Variants in ZNF644 observed in about 807,000 individuals in gnomAD.
The protein encoded by ZNF644 is zinc finger motif enhancer binding protein 2.
A neutral mutation model predicts 108.0 loss-of-function variants in ZNF644; 20 were observed. The ratio of observed to expected loss-of-function variants is 0.19; its 90% CI spans 0.13 to 0.27. The LOEUF is 0.27. Among genes scored for constraint, ZNF644 ranks in the 10% least tolerant of loss-of-function variants. The probability of loss-of-function intolerance (pLI) is 1.00; values close to 1 mark genes in which losing one functional copy is unlikely to be tolerated. For missense variants in ZNF644, 1,338 were observed against 1,548.9 expected, an observed-to-expected ratio of 0.86 and a Z score of 2.29; for synonymous variants, 542 against 539.1, an observed-to-expected ratio of 1.01 and a Z score of -0.08.
intron 1 of ZNF644, among the ~76,000 whole-genome samples, chr1:91,005,941 G>GA (rs549980251): frequency 8.7e-4 from 126 of 145,334 alleles, no homozygotes; most frequent in African/African-American, 2.6e-3. Flanking sequence ...AAACAGTAGA[G>GA]AAAAAAAAAA....
chr1:90,959,709 G>A (rs1270773588), intron 2 of ZNF644, among the ~76,000 whole-genome samples: 1 of 152,092 alleles, frequency 6.6e-6, no homozygotes, highest in Non-Finnish European at 1.5e-5. Context: ...ACCAGGTGAT[G>A]GAAGGGGGCA....
intron 2 of ZNF644, among the ~76,000 whole-genome samples, chr1:90,953,414 T>C (rs771173013): frequency 4.7e-4 from 70 of 149,166 alleles, no homozygotes; most frequent in Non-Finnish European, 9.6e-4. Context: ...TCAGGAAAAA[T>C]AGCTAATGCA....
At chr1:90,961,062 A>C (rs555212555) in intron 2 of ZNF644, among the ~76,000 whole-genome samples, 6 of 152,120 alleles carry the variant, frequency 3.9e-5, no homozygotes, top group Non-Finnish European at 8.8e-5. Flanking sequence ...CAGATGAAGA[A>C]ATGAAGATGG....
At chr1:90,951,692 C>G (rs1450211292) in intron 2 of ZNF644, among the ~76,000 whole-genome samples, 1 of 152,188 alleles carries the variant, frequency 6.6e-6, no homozygotes. Flanking sequence ...TCCCCCGCCT[C>G]CCATAACACT....
chr1:90,998,189 A>C (rs556936170), intron 1 of ZNF644, among the ~76,000 whole-genome samples: 1 of 152,222 alleles, frequency 6.6e-6, no homozygotes, highest in Admixed American at 6.5e-5. Flanking sequence ...GACAGCTTTG[A>C]AGCGAGTAGT....
At chr1:91,015,782 A>G (rs936095610) in intron 1 of ZNF644, among the ~76,000 whole-genome samples, 1 of 152,200 alleles carries the variant, frequency 6.6e-6, no homozygotes, top group African/African-American at 2.4e-5. Flanking sequence ...GGACATTAGC[A>G]AAAGTATACA....
intron 4 of ZNF644, among the ~76,000 whole-genome samples, chr1:90,922,270 TA>T (rs1300605622): frequency 6.6e-6 from 1 of 152,182 alleles, no homozygotes; most frequent in Non-Finnish European, 1.5e-5. Context: ...ATTTCTTTTC[TA>T]ATTGGTTGCT....
At chr1:90,970,998 CAA>C (rs61253802) in intron 2 of ZNF644, among the ~76,000 whole-genome samples, 20 of 92,884 alleles carry the variant, frequency 2.2e-4, no homozygotes, top group Middle Eastern at 8.5e-3. Flanking sequence ...GACTCCATTT[CAA>C]AAAAAAAAAA....
chr1:90,937,459 T>A, intron 4 of ZNF644, 26 bp downstream of exon 4: 1 of 1,613,288 alleles, frequency 6.2e-7, no homozygotes, highest in Non-Finnish European at 8.5e-7. Context: ...AAACTGTGTA[T>A]AGCATAGTCA....
chr1:91,010,236 CTTT>C (rs577966817), intron 1 of ZNF644, among the ~76,000 whole-genome samples: 6 of 129,904 alleles, frequency 4.6e-5, no homozygotes, highest in Admixed American at 8.2e-5. Flanking sequence ...ATGTCTGTGC[CTTT>C]TTTTTTTTTT....
chr1:91,010,236 C>T (rs1317168715), intron 1 of ZNF644, among the ~76,000 whole-genome samples: 2 of 129,932 alleles, frequency 1.5e-5, no homozygotes, highest in Non-Finnish European at 3.3e-5. Flanking sequence ...ATGTCTGTGC[C>T]TTTTTTTTTT....
At chr1:90,978,547 G>A (rs1019144111) in intron 2 of ZNF644, among the ~76,000 whole-genome samples, 2 of 152,058 alleles carry the variant, frequency 1.3e-5, no homozygotes, top group Non-Finnish European at 2.9e-5. Context: ...AGTACAGAGA[G>A]GTTAAGTTAG....
chr1:90,961,282 CAATTA>C (rs1410523362), intron 2 of ZNF644, among the ~76,000 whole-genome samples: 1 of 152,016 alleles, frequency 6.6e-6, no homozygotes, highest in African/African-American at 2.4e-5. Context: ...AAAAACAAAA[CAATTA>C]AATTAACAAA....
At chr1:90,920,423 T>C (rs1649303588) in intron 4 of ZNF644, among the ~76,000 whole-genome samples, 1 of 152,048 alleles carries the variant, frequency 6.6e-6, no homozygotes, top group Non-Finnish European at 1.5e-5. Flanking sequence ...TAGGGAAATA[T>C]GCAAAAGAAC....
At chr1:90,987,457 T>C (rs1657219463) in intron 1 of ZNF644, among the ~76,000 whole-genome samples, 1 of 151,842 alleles carries the variant, frequency 6.6e-6, no homozygotes, top group Admixed American at 6.6e-5. Flanking sequence ...CCTAAAAATG[T>C]ACACCTAGCA....
At chr1:90,989,856 T>C (rs554537533) in intron 1 of ZNF644, among the ~76,000 whole-genome samples, 1 of 152,222 alleles carries the variant, frequency 6.6e-6, no homozygotes, top group South Asian at 2.1e-4. Flanking sequence ...CAAAACGATA[T>C]TTACATGCCC....
In ZNF644 at chr1:90,937,689, T is replaced by C. The variant is rs777478956; in HGVS notation, c.3484A>G (p.Ser1162Gly). ...GTAAGAGACTGATTCTTTTTCCCAC[T>C]GGGCAGTTCTGGTTTTGTTTCATCA... is the stretch of plus-strand genomic sequence containing the variant. The part of the protein sequence containing the change: ...EYDETKPELP[S>G]GKKNQSLTLI... The change falls in exon 4 of 6, where the codon AGT becomes GGT. Residue 1162 changes from serine (S) to glycine (G), a missense_variant. Physicochemically the swap from Ser to Gly is moderately conservative, Grantham distance 56. Transcript: ENST00000337393. 1.2e-6 allele frequency: 2 copies of C among 1,613,976 alleles called. No homozygotes were observed. Among genetic ancestry groups the C allele is most frequent in the Non-Finnish European group, 1.7e-6 (2 of 1,179,898 alleles).
At chr1:91,005,370 A>G (rs1460135336) in intron 1 of ZNF644, among the ~76,000 whole-genome samples, 1 of 152,186 alleles carries the variant, frequency 6.6e-6, no homozygotes, top group Non-Finnish European at 1.5e-5. Context: ...ATATAATTCA[A>G]AAATAATAGT....
intron 1 of ZNF644, among the ~76,000 whole-genome samples, chr1:90,999,715 A>T (rs925186208): frequency 6.6e-6 from 1 of 152,252 alleles, no homozygotes; most frequent in African/African-American, 2.4e-5. Context: ...AATGGGCTAA[A>T]TGCTCCAATT....
Sources: gnomAD v4.1 joint callset for allele counts (sites outside exome capture counted in the v4.1 genomes callset) on GRCh38, gnomAD v4.1.1 for gene constraint, MANE v1.5 for transcripts, NCBI Gene and HGNC (gene_info 2026-07-23, HGNC 2026-07-21) for gene names.